Variants in DCLK3 observed in about 807,000 individuals in gnomAD.
DCLK3 encodes serine/threonine-protein kinase DCLK3.
DCLK3 carries 30 observed loss-of-function variants against 46.4 expected under a neutral mutation model. The ratio of observed to expected loss-of-function variants is 0.65; its 90% CI spans 0.48 to 0.88. The LOEUF is 0.88. Among genes scored for constraint, DCLK3 ranks in the 40% least tolerant of loss-of-function variants. DCLK3 has a pLI of 0.00. For missense variants in DCLK3, 846 were observed against 907.1 expected (o/e 0.93, Z 0.87); for synonymous variants, 401 against 339.2 (o/e 1.18, Z -2.00).
chr3:36,736,296 C>T (rs536530349), intron 2 of DCLK3, among the ~76,000 whole-genome samples: 1 of 152,234 alleles, frequency 6.6e-6, no homozygotes, highest in Admixed American at 6.5e-5. Flanking sequence ...ATAATTCTTA[C>T]ATGAAGGTAG....
chr3:36,742,654 C>A (rs1018439151), intron 1 of DCLK3, among the ~76,000 whole-genome samples: 4 of 152,204 alleles, frequency 2.6e-5, no homozygotes, highest in African/African-American at 7.2e-5. Context: ...CTGGGAAGCA[C>A]CAGGAAAATG....
chr3:36,756,262 A>C (rs929542471), intron 1 of DCLK3, among the ~76,000 whole-genome samples: 2 of 152,196 alleles, frequency 1.3e-5, no homozygotes, highest in African/African-American at 4.8e-5. Flanking sequence ...GGGGCAAGGA[A>C]ACTGTGATAT....
intron 1 of DCLK3, among the ~76,000 whole-genome samples, chr3:36,758,139 A>C (rs567652633): frequency 6.6e-6 from 1 of 152,142 alleles, no homozygotes; most frequent in African/African-American, 2.4e-5. Context: ...CTGTTTCTCA[A>C]ATTCCAGGAG....
chr3:36,762,375 GTAT>G (rs1701547450), intron 1 of DCLK3, among the ~76,000 whole-genome samples: 2 of 152,152 alleles, frequency 1.3e-5, no homozygotes, highest in Admixed American at 1.3e-4. Context: ...CTATGAAAGT[GTAT>G]TAGGAGATAT....
Position 36,746,281 on chromosome 3 carries a change from C to T in DCLK3, c.83-7197G>A, listed in dbSNP as rs549461547. 9.8e-5 allele frequency among the ~76,000 whole-genome samples: 15 copies of T among 152,312 alleles called. No homozygotes were observed. In the South Asian group the frequency reaches 3.1e-3, roughly 32 times the overall value. On this transcript the variant is annotated intron_variant, in intron 1 of 4. Transcript: ENST00000636136. ...AGATATTGGCCAGGCCTTGTTCTAA[C>T]CCACCTAACAGATGCCTGATACTTT...
intron 1 of DCLK3, among the ~76,000 whole-genome samples, chr3:36,750,270 C>G (rs1488850831): frequency 1.3e-5 from 2 of 152,108 alleles, no homozygotes; most frequent in African/African-American, 4.8e-5. Context: ...TTAGTCAAGA[C>G]AGGGTTCTGC....
chr3:36,718,110 G>C lies in DCLK3; in HGVS notation c.2160C>G (p.Pro720=), dbSNP rs1022094172. The C allele has an allele frequency of 2.5e-6, 4 of 1,614,028 alleles. No individual in the cohort carries two copies. Among genetic ancestry groups the C allele is most frequent in the Non-Finnish European group, 3.4e-6 (4 of 1,180,022 alleles). ...GGTCCCTCTCAGGGCTGCGGAATGG[G>C]GGAAAGCCACACAGCAGGATATAGA... is the stretch of plus-strand genomic sequence containing the variant. ...VILYILLCGF[P]PFRSPERDQD... Residue 720 remains proline, a synonymous_variant, in exon 4 of 5, where the codon CCC becomes CCG. Coordinates refer to ENST00000636136, the MANE Select transcript of DCLK3 (RefSeq NM_001394672.2).
rs1373973513 is a variant in DCLK3, at chr3:36,712,964, A to G, written c.*2364T>C. ...GGTAAACATCTAGAAGTGGAATATC[A>G]TATGGTAGGTACATGTTTAACTTTT... On this transcript the variant is annotated 3_prime_UTR_variant, in exon 5 of 5. Coordinates refer to ENST00000636136, the MANE Select transcript of DCLK3 (RefSeq NM_001394672.2). 1.3e-5 allele frequency: 2 copies of G among 152,228 alleles called. No individual in the cohort carries two copies. 9.4% of individuals were successfully genotyped at this position (152,228 alleles called of 1,614,324 possible).
chr3:36,738,297 T>A lies in DCLK3; in HGVS notation c.870A>T (p.Gly290=). 1 of 1,516,620 alleles carries A rather than the reference T, an allele frequency of 6.6e-7. No homozygotes were observed. The highest frequency in any genetic ancestry group is 8.8e-7 in the Non-Finnish European group (1 of 1,134,702). 93.9% of individuals were successfully genotyped at this position (1,516,620 alleles called of 1,614,324 possible). A position where few individuals can be genotyped will look rare whatever the true frequency, so the allele number is the denominator to read the frequency against. The change falls in exon 2 of 5, where the codon GGA becomes GGT. Residue 290 remains glycine (G), a synonymous_variant. Transcript: ENST00000636136. ...EATLEERHAR[G]EKHLGVEIEK... is the part of the protein sequence containing the mutation. ...CAATCTCCACCCCAAGATGCTTCTC[T>A]CCCCTTGCGTGCCTCTCTTCCAGAG... is the stretch of plus-strand genomic sequence containing the variant.
intron 1 of DCLK3, among the ~76,000 whole-genome samples, chr3:36,748,422 G>A (rs964617736): frequency 7.9e-5 from 12 of 152,174 alleles, no homozygotes; most frequent in Non-Finnish European, 1.3e-4. Context: ...GCACAGCAGA[G>A]TGAGAGGAGG....
chr3:36,747,395 T>C (rs1241829775), intron 1 of DCLK3, among the ~76,000 whole-genome samples: 2 of 151,466 alleles, frequency 1.3e-5, no homozygotes, highest in African/African-American at 2.4e-5. Context: ...GTAGAAGTAA[T>C]AAAACAAAGG....
chr3:36,726,235 G>A (rs1191412150), intron 2 of DCLK3, among the ~76,000 whole-genome samples: 1 of 151,994 alleles, frequency 6.6e-6, no homozygotes, highest in Non-Finnish European at 1.5e-5. Context: ...CAATACTCCA[G>A]CCTCCTTCCA....
At chr3:36,760,202 C>T (rs1346974638) in intron 1 of DCLK3, among the ~76,000 whole-genome samples, 1 of 152,194 alleles carries the variant, frequency 6.6e-6, no homozygotes. Context: ...GAACCCTCCC[C>T]ATCATCTCTC....
At chr3:36,731,857 C>A (rs1260337467) in intron 2 of DCLK3, among the ~76,000 whole-genome samples, 2 of 152,146 alleles carry the variant, frequency 1.3e-5, no homozygotes, top group Non-Finnish European at 2.9e-5. Flanking sequence ...CAAGATGAAC[C>A]AGAACCTGAG....
intron 1 of DCLK3, among the ~76,000 whole-genome samples, chr3:36,753,684 T>C (rs933119868): frequency 2.6e-5 from 4 of 152,178 alleles, no homozygotes; most frequent in Non-Finnish European, 2.9e-5. Flanking sequence ...TTTATTTATT[T>C]ATTTATTTTG....
At chr3:36,725,236 C>T (rs1343651209) in intron 2 of DCLK3, among the ~76,000 whole-genome samples, 2 of 151,718 alleles carry the variant, frequency 1.3e-5, no homozygotes, top group Non-Finnish European at 2.9e-5. Context: ...AGCGTGAACC[C>T]AGGAGGCGGA....
In DCLK3 at chr3:36,736,255, C is replaced by T. The variant is rs548270593; in HGVS notation, c.1959+953G>A. On this transcript the variant is annotated intron_variant, in intron 2 of 4. Transcript: ENST00000636136. The stretch of plus-strand genomic sequence containing the variant: ...TGCTCTGGGCTGGATAGTGTCAGCA[C>T]GTGGGGGTAATTCTATAATCAGGTA... 3.0e-4 allele frequency among the ~76,000 whole-genome samples: 46 copies of T among 152,168 alleles called. No homozygotes were observed. The South Asian group carries it at 4.2e-3, about 14-fold the overall frequency.
chr3:36,738,227 C>G lies in DCLK3; in HGVS notation c.940G>C (p.Glu314Gln). The G allele has an allele frequency of 6.3e-7, 1 of 1,594,836 alleles. No homozygotes were observed. The highest frequency in any genetic ancestry group is 1.7e-4 in the Middle Eastern group (1 of 5,940). Residue 314 changes from glutamate to glutamine, a missense_variant, in exon 2 of 5, where the codon GAG (glutamate) becomes CAG (glutamine). By Grantham distance (29) the Glu-to-Gln change is conservative. Transcript: ENST00000636136. ...EIIRCEKCKR[E>Q]RELQQSLERE... ...TCCAGGCTCTGCTGGAGCTCCCTCT[C>G]TCTCTTGCACTTCTCGCATCTGATA...
In DCLK3 at chr3:36,764,232, G is replaced by GGCGGCT. The variant is rs1411305034; in HGVS notation, c.26_31dup (p.Gln9_Pro10dup). 1 of 313,484 alleles carries GGCGGCT rather than the reference G, an allele frequency of 3.2e-6. No homozygotes were observed. Among genetic ancestry groups the GGCGGCT allele is most frequent in the Non-Finnish European group, 5.8e-6 (1 of 171,634 alleles). The allele number at this position is 313,484 out of a possible 1,614,324, so 19.4% of individuals were successfully genotyped here. The stretch of plus-strand genomic sequence containing the variant: ...TGGGGCTGGCCGGGCCGGGGGCGGC[G>GGCGGCT]GCGGCTGCGGGGCTGGAGTGGCGGC... On this transcript the variant is annotated inframe_insertion, in exon 1 of 5. Transcript: ENST00000636136. This position sits in a 1 kb window ranked among gnomAD's most constrained non-coding sequence, Gnocchi z 4.9.
Sources: gnomAD v4.1 joint callset for allele counts (sites outside exome capture counted in the v4.1 genomes callset) on GRCh38, gnomAD v4.1.1 for gene constraint, Gnocchi (gnomAD v3.1) non-coding constraint, MANE v1.5 for transcripts, NCBI Gene and HGNC (gene_info 2026-07-23, HGNC 2026-07-21) for gene names.